The following MYT1 variants were observed in gnomAD, a reference collection of about 807,000 sequenced individuals.
MYT1 encodes myelin transcription factor I.
In MYT1, 23 loss-of-function variants were observed where a neutral mutation model predicts 123.0. The observed-to-expected ratio is 0.19, with a 90% CI of 0.13 to 0.26. MYT1 has a LOEUF of 0.26. MYT1 is among the 10% of genes least tolerant of loss of function. The pLI is 1.00. For synonymous variants in MYT1, 518 were observed against 575.3 expected, an observed-to-expected ratio of 0.90 and a Z score of 1.43; for missense variants, 1,125 against 1,472.5, an observed-to-expected ratio of 0.76 and a Z score of 3.86.
rs1054495389 is a variant in MYT1, at chr20:64,236,643, G to A, written c.2986G>A (p.Asp996Asn). 47 of 1,613,202 alleles carry A rather than the reference G, an allele frequency of 2.9e-5. No homozygotes were observed. Among genetic ancestry groups the A allele is most frequent in the Non-Finnish European group, 3.8e-5 (45 of 1,179,478 alleles). ...EVLSPKFKTS[D>N]VLENDEEIKQ... ...CCTCAGTCCAAAGTTCAAGACTAGC[G>A]ACGGTAAGGATGGCTTCCTGGATTT... The change falls in exon 20 of 23, where the codon GAC becomes AAC. Residue 996 changes from aspartate (D) to asparagine (N), a missense_variant. Transcript: ENST00000328439.
At chr20:64,178,870 A>G (rs1432050002) in intron 1 of MYT1, among the ~76,000 whole-genome samples, 2 of 126,634 alleles carry the variant, frequency 1.6e-5, no homozygotes, top group Admixed American at 1.5e-4. Flanking sequence ...ATACCCTTCA[A>G]CGTGGGAGCA....
rs951242746 is a variant in MYT1 at position 64,192,126 on chromosome 20, G to A, written c.-1+1966G>A. ...TTGGGACCTACCATGACAACCCATG[G>A]CTGTTCAAAGTGCTGCTTCTGTGAA... On this transcript the variant is annotated intron_variant, in intron 2 of 22. Transcript: ENST00000328439. The surrounding 1 kb of genome is among the most constrained non-coding windows in gnomAD (Gnocchi z 5.3). Among the ~76,000 whole-genome samples the A allele has an allele frequency of 6.6e-6, 1 of 152,304 alleles. No individual in the cohort carries two copies. Among genetic ancestry groups the A allele is most frequent in the South Asian group, 2.1e-4 (1 of 4,820 alleles).
intron 1 of MYT1, among the ~76,000 whole-genome samples, chr20:64,180,283 T>C (rs979558310): frequency 1.3e-5 from 2 of 152,246 alleles, no homozygotes; most frequent in Non-Finnish European, 2.9e-5. Flanking sequence ...CATCTATCGA[T>C]GTTTATTGAA....
At chr20:64,235,972 A>C (rs868417709) in intron 19 of MYT1, among the ~76,000 whole-genome samples, 193 of 60,454 alleles carry the variant, frequency 3.2e-3, no homozygotes, top group African/African-American at 6.8e-3. Flanking sequence ...TGACCCTGGG[A>C]TGGCCGCGGT....
At chr20:64,182,343 C>T (rs570123942) in intron 1 of MYT1, among the ~76,000 whole-genome samples, 4 of 152,322 alleles carry the variant, frequency 2.6e-5, no homozygotes, top group South Asian at 2.1e-4. Flanking sequence ...CCAATACGCA[C>T]GCACAGGCAG....
chr20:64,181,096 T>C (rs1410196555), intron 1 of MYT1, among the ~76,000 whole-genome samples: 2 of 152,206 alleles, frequency 1.3e-5, no homozygotes, highest in East Asian at 1.9e-4. Context: ...TGTGATCCTA[T>C]TCTAGTTATC....
intron 11 of MYT1, 120 bp downstream of exon 11, chr20:64,217,401 C>T (rs1042546711): frequency 1.9e-6 from 2 of 1,074,928 alleles, no homozygotes; most frequent in African/African-American, 3.1e-5. Flanking sequence ...ACTCTACCCT[C>T]ATGGGAGGAC....
At position 64,231,277 on chromosome 20, in the gene MYT1, T is replaced by G. The variant is rs915586189; in HGVS notation, c.2676-887T>G. Among the ~76,000 whole-genome samples, 1 of 152,200 alleles carries G rather than the reference T, an allele frequency of 6.6e-6. No homozygotes were observed. Among genetic ancestry groups the G allele is most frequent in the Non-Finnish European group, 1.5e-5 (1 of 68,030 alleles). ...TTGTCCTGGGTTTGGCGTGGGTTCCTGGATGACGTGGTCCCTCAGCTCCCC... is the reference window on the plus strand; with the variant it reads ...TTGTCCTGGGTTTGGCGTGGGTTCCGGGATGACGTGGTCCCTCAGCTCCCC... On this transcript the variant is annotated intron_variant, in intron 18 of 22. Coordinates refer to ENST00000328439, the MANE Select transcript of MYT1 (RefSeq NM_004535.3). The surrounding 1 kb of genome is among the most constrained non-coding windows in gnomAD (Gnocchi z 6.4).
At chr20:64,217,845 A>AT (rs1405794974) in intron 11 of MYT1, among the ~76,000 whole-genome samples, 3 of 152,246 alleles carry the variant, frequency 2.0e-5, no homozygotes, top group Non-Finnish European at 4.4e-5. Context: ...TTTCTGGGTA[A>AT]TTGTACTGAC....
chr20:64,240,476 C>T lies in MYT1; in HGVS notation c.*28C>T. On this transcript the variant is annotated 3_prime_UTR_variant, in exon 23 of 23. Coordinates refer to ENST00000328439, the MANE Select transcript of MYT1 (RefSeq NM_004535.3). ...CGTGTGGTACCCAGAAGTGTCCCAG[C>T]CCACCACACCGTTTACCTCCCTCGC... The T allele has an allele frequency of 1.2e-6, 2 of 1,603,782 alleles. No individual in the cohort carries two copies. The highest frequency in any genetic ancestry group is 1.7e-6 in the Non-Finnish European group (2 of 1,175,956).
chr20:64,219,770 C>G lies in MYT1; in HGVS notation c.2029C>G (p.Arg677Gly). 4 of 1,614,128 alleles carry G rather than the reference C, an allele frequency of 2.5e-6. No individual in the cohort carries two copies. The highest frequency in any genetic ancestry group is 3.3e-4 in the Middle Eastern group (2 of 6,062). ...GTLDLSMHKH[R>G]KRENAFPSSS... Reference sequence around the variant, plus strand: ...CCTGGACTTGAGCATGCACAAACACCGCAAACGAGAAAATGCTTTCCCCAG... The same window carrying G: ...CCTGGACTTGAGCATGCACAAACACGGCAAACGAGAAAATGCTTTCCCCAG... Residue 677 changes from arginine to glycine, a missense_variant, in exon 13 of 23, where the codon CGC becomes GGC. Arg to Gly is a moderately radical substitution (Grantham distance 125, BLOSUM62 -2). Coordinates refer to ENST00000328439, the MANE Select transcript of MYT1 (RefSeq NM_004535.3).
chr20:64,233,543 C>T (rs1601725418), intron 19 of MYT1, among the ~76,000 whole-genome samples: 1 of 132,802 alleles, frequency 7.5e-6, no homozygotes, highest in South Asian at 2.8e-4. Context: ...TTAACTCACT[C>T]ATTCAACAAA....
rs1314490018 is a variant in MYT1 at position 64,168,543 on chromosome 20, A to G, written c.-99+3804A>G. Among the ~76,000 whole-genome samples the G allele has an allele frequency of 6.6e-6, 1 of 152,182 alleles. No homozygotes were observed. Among genetic ancestry groups the G allele is most frequent in the African/African-American group, 2.4e-5 (1 of 41,448 alleles). On this transcript the variant is annotated intron_variant, in intron 1 of 22. Coordinates refer to ENST00000328439, the MANE Select transcript of MYT1 (RefSeq NM_004535.3). This position sits in a 1 kb window ranked among gnomAD's most constrained non-coding sequence, Gnocchi z 6.1. ...GATTGGAGTCCAGGCCTTGCAGAGG[A>G]GAGAGGATGTCGACACAGCTGTGGG...
intron 2 of MYT1, among the ~76,000 whole-genome samples, chr20:64,195,026 G>A (rs1243870637): frequency 6.6e-6 from 1 of 152,074 alleles, no homozygotes; most frequent in Non-Finnish European, 1.5e-5. Flanking sequence ...CTCCCAGGTA[G>A]CTGGGACTAC....
chr20:64,198,773 C>A, intron 2 of MYT1, 89 bp from the exon 3 acceptor site: 1 of 1,431,170 alleles, frequency 7.0e-7, no homozygotes, highest in Non-Finnish European at 9.8e-7. Flanking sequence ...AAAGCTTGAG[C>A]CAGAAAATGG....
rs1569303924 is a variant in MYT1 at position 64,170,933 on chromosome 20, A to AGAGAGAGAGG, written c.-99+6196_-99+6197insGAGAGAGGGA. Reference sequence around the variant, plus strand: ...GAGAGAGAGAGAGAGAGAGAGAGAGAGACGGAGTCTTGCTCTGTTGGCCTG... The same window carrying AGAGAGAGAGG: ...GAGAGAGAGAGAGAGAGAGAGAGAGAGAGAGAGAGGGACGGAGTCTTGCTCTGTTGGCCTG... On this transcript the variant is annotated intron_variant, in intron 1 of 22. Coordinates refer to ENST00000328439, the MANE Select transcript of MYT1 (RefSeq NM_004535.3). Among the ~76,000 whole-genome samples, 2 of 129,794 alleles carry AGAGAGAGAGG rather than the reference A, an allele frequency of 1.5e-5. 1 individual carries two copies. The highest frequency in any genetic ancestry group is 1.6e-4 in the Admixed American group (2 of 12,588). The allele number at this position is 129,794 out of a possible 152,430, so 85.1% of individuals were successfully genotyped here.
rs1280696682 is a variant in MYT1, at chr20:64,219,786, C to T, written c.2045C>T (p.Ala682Val). Residue 682 changes from alanine to valine, a missense_variant, in exon 13 of 23, where the codon GCT becomes GTT. By Grantham distance (64) the Ala-to-Val change is moderately conservative. Coordinates refer to ENST00000328439, the MANE Select transcript of MYT1 (RefSeq NM_004535.3). ...SMHKHRKRENAFPSSSSCSSS... is the reference protein window; with the variant it reads ...SMHKHRKRENVFPSSSSCSSS... Reference sequence around the variant, plus strand: ...CACAAACACCGCAAACGAGAAAATGCTTTCCCCAGCAGCAGCAGCTGCAGC... The same window carrying T: ...CACAAACACCGCAAACGAGAAAATGTTTTCCCCAGCAGCAGCAGCTGCAGC... 2 of 1,614,010 alleles carry T rather than the reference C, an allele frequency of 1.2e-6. No individual in the cohort carries two copies. Among genetic ancestry groups the T allele is most frequent in the Non-Finnish European group, 1.7e-6 (2 of 1,180,034 alleles).
intron 16 of MYT1, among the ~76,000 whole-genome samples, chr20:64,225,901 C>T (rs1264828606): frequency 1.3e-5 from 2 of 152,188 alleles, no homozygotes; most frequent in African/African-American, 4.8e-5. Flanking sequence ...AGTTATACCC[C>T]CACCTGAGAC....
In MYT1 at chr20:64,166,402, G is replaced by A. The variant is rs1416432291; in HGVS notation, c.-99+1663G>A. On this transcript the variant is annotated intron_variant, in intron 1 of 22. Coordinates refer to ENST00000328439, the MANE Select transcript of MYT1 (RefSeq NM_004535.3). This position sits in a 1 kb window ranked among gnomAD's most constrained non-coding sequence, Gnocchi z 4.9. Reference sequence around the variant, plus strand: ...CCCCCTGGGCACCTGGACGTTTGCCGAACTTCCCAGGGGTACTTGCTGATC... The same window carrying A: ...CCCCCTGGGCACCTGGACGTTTGCCAAACTTCCCAGGGGTACTTGCTGATC... Among the ~76,000 whole-genome samples, 2 of 152,152 alleles carry A rather than the reference G, an allele frequency of 1.3e-5. No homozygotes were observed. Among genetic ancestry groups the A allele is most frequent in the Non-Finnish European group, 2.9e-5 (2 of 68,018 alleles).
Sources: allele counts gnomAD v4.1 joint callset (sites outside exome capture counted in the v4.1 genomes callset), GRCh38; gene constraint gnomAD v4.1.1; non-coding constraint Gnocchi (gnomAD v3.1); transcripts MANE v1.5; gene names NCBI Gene and HGNC (gene_info 2026-07-23, HGNC 2026-07-21).